Variants in ASTN2 observed in about 807,000 individuals in gnomAD.
The protein encoded by ASTN2 is astrotactin 2.
In ASTN2, 54 loss-of-function variants were observed where a neutral mutation model predicts 139.8. That is an observed-to-expected ratio of 0.39 (90% CI 0.31 to 0.48). ASTN2 has a LOEUF of 0.48. ASTN2 is among the 20% of genes least tolerant of loss of function. The pLI, the probability that ASTN2 is intolerant of heterozygous loss-of-function variation, is 0.95. For missense variants in ASTN2, 1,565 were observed against 1,725.1 expected, an observed-to-expected ratio of 0.91 and a Z score of 1.64; for synonymous variants, 756 against 719.5, an observed-to-expected ratio of 1.05 and a Z score of -0.81.
chr9:116,673,006 C>T (rs747797003), intron 16 of ASTN2, among the ~76,000 whole-genome samples: 1 of 152,184 alleles, frequency 6.6e-6, no homozygotes, highest in Non-Finnish European at 1.5e-5. Context: ...GAACATAAGG[C>T]TGATTCCCAC....
intron 17 of ASTN2, 78 bp downstream of exon 17, chr9:116,651,450 C>T (rs1275646081): frequency 2.0e-6 from 3 of 1,512,792 alleles, no homozygotes; most frequent in Non-Finnish European, 2.7e-6. Flanking sequence ...GACAATACCC[C>T]TGGACAAAGG....
At chr9:116,837,548 A>G (rs1832043042) in intron 11 of ASTN2, among the ~76,000 whole-genome samples, 1 of 152,152 alleles carries the variant, frequency 6.6e-6, no homozygotes. Context: ...ACTTTTCATC[A>G]TCACCAAGCC....
intron 2 of ASTN2, among the ~76,000 whole-genome samples, chr9:117,252,822 C>G (rs186198318): frequency 1.3e-5 from 2 of 152,294 alleles, no homozygotes; most frequent in East Asian, 3.9e-4. Flanking sequence ...TCTGCAGCCT[C>G]TTACCTTTGC....
At chr9:117,055,712 T>C (rs767641218) in intron 5 of ASTN2, among the ~76,000 whole-genome samples, 1 of 152,158 alleles carries the variant, frequency 6.6e-6, no homozygotes, top group Non-Finnish European at 1.5e-5. Context: ...CGAGCACATG[T>C]CACCTGAAAT....
chr9:116,811,092 T>C (rs1202192734), intron 12 of ASTN2, among the ~76,000 whole-genome samples: 1 of 152,192 alleles, frequency 6.6e-6, no homozygotes, highest in African/African-American at 2.4e-5. Context: ...CTCCTTTGAA[T>C]AGGCTTTTTG....
In ASTN2 at chr9:116,933,979, C is replaced by CTTTTTT. The variant is rs148724828; in HGVS notation, c.1889+41223_1889+41228dup. On this transcript the variant is annotated intron_variant, in intron 10 of 22. Coordinates refer to ENST00000313400, the MANE Select transcript of ASTN2 (RefSeq NM_001365068.1). The stretch of plus-strand genomic sequence containing the variant: ...ACCTCAGTTGTGCGAAGTGTTAGTC[C>CTTTTTT]TTTTTTTTTTTTTTTTTTTTTTTCT... 2.5e-3 allele frequency among the ~76,000 whole-genome samples: 216 copies of CTTTTTT among 86,838 alleles called. 27 individuals carry two copies. Among genetic ancestry groups the CTTTTTT allele is most frequent in the African/African-American group, 5.0e-3 (105 of 21,148 alleles). 57.0% of individuals were successfully genotyped at this position (86,838 alleles called of 152,430 possible). A position where few individuals can be genotyped will look rare whatever the true frequency, so the allele number is the denominator to read the frequency against.
At position 116,698,212 on chromosome 9, in the gene ASTN2, G is replaced by A. The variant is rs1345616881; in HGVS notation, c.2806+27559C>T. 9 of 1,614,040 alleles carry A rather than the reference G, an allele frequency of 5.6e-6. No individual in the cohort carries two copies. The highest frequency in any genetic ancestry group is 1.3e-5 in the African/African-American group (1 of 74,918). ...TTTGGAGAGAAGTTAACTCGTCTGCGGGAACTTATGGGGGAGCTGCAGCGG... is the reference window on the plus strand; with the variant it reads ...TTTGGAGAGAAGTTAACTCGTCTGCAGGAACTTATGGGGGAGCTGCAGCGG... On this transcript the variant is annotated intron_variant, in intron 16 of 22. Transcript: ENST00000313400. This position sits in a 1 kb window ranked among gnomAD's most constrained non-coding sequence, Gnocchi z 4.4.
At chr9:117,197,955 G>C (rs1461536543) in intron 3 of ASTN2, among the ~76,000 whole-genome samples, 1 of 151,792 alleles carries the variant, frequency 6.6e-6, no homozygotes, top group African/African-American at 2.4e-5. Context: ...TTTCTTCTTT[G>C]AAGGTAATGT....
intron 19 of ASTN2, among the ~76,000 whole-genome samples, chr9:116,533,068 T>C (rs907237029): frequency 1.3e-5 from 2 of 152,240 alleles, no homozygotes; most frequent in African/African-American, 4.8e-5. Context: ...CTTGAAGAGT[T>C]CCTTCACATC....
chr9:117,216,714 AT>A (rs549883394), intron 2 of ASTN2, among the ~76,000 whole-genome samples: 3 of 151,864 alleles, frequency 2.0e-5, no homozygotes, highest in Non-Finnish European at 2.9e-5. Context: ...TTTGTCTGGG[AT>A]TTTTTTGTGT....
chr9:116,767,734 C>G (rs1829847834), intron 13 of ASTN2, among the ~76,000 whole-genome samples: 1 of 152,158 alleles, frequency 6.6e-6, no homozygotes, highest in Non-Finnish European at 1.5e-5. Flanking sequence ...GAGCAGGGGT[C>G]CCTGCAGCCA....
chr9:116,489,696 G>A (rs1467253764), intron 19 of ASTN2, among the ~76,000 whole-genome samples: 1 of 152,216 alleles, frequency 6.6e-6, no homozygotes, highest in African/African-American at 2.4e-5. Flanking sequence ...AATCTTGCAA[G>A]ACTTATCTGA....
chr9:117,130,981 C>T (rs552271532), intron 4 of ASTN2, among the ~76,000 whole-genome samples: 2 of 152,298 alleles, frequency 1.3e-5, no homozygotes, highest in Admixed American at 6.5e-5. Flanking sequence ...ATGTATATCT[C>T]AATCATGGGA....
intron 10 of ASTN2, among the ~76,000 whole-genome samples, chr9:116,908,406 TA>T (rs1834222978): frequency 9.2e-6 from 1 of 108,890 alleles, no homozygotes; most frequent in African/African-American, 2.8e-5. Context: ...AGTAATGATT[TA>T]TAAATTCTTA....
intron 17 of ASTN2, among the ~76,000 whole-genome samples, chr9:116,630,644 G>C (rs1856701276): frequency 1.3e-5 from 2 of 151,978 alleles, no homozygotes; most frequent in Non-Finnish European, 2.9e-5. Flanking sequence ...TGTTGGTCTG[G>C]GCAATACTTT....
chr9:116,873,273 G>A (rs531226469), intron 10 of ASTN2, among the ~76,000 whole-genome samples: 1 of 152,320 alleles, frequency 6.6e-6, no homozygotes, highest in East Asian at 1.9e-4. Flanking sequence ...CTGGCACATG[G>A]TGACTGCTTT....
At chr9:116,879,828 TGA>T (rs1833406748) in intron 10 of ASTN2, among the ~76,000 whole-genome samples, 1 of 152,228 alleles carries the variant, frequency 6.6e-6, no homozygotes, top group East Asian at 1.9e-4. Flanking sequence ...ACTCAAGCCC[TGA>T]GAACAGGGAT....
intron 1 of ASTN2, among the ~76,000 whole-genome samples, chr9:117,352,728 A>C (rs997126919): frequency 5.3e-5 from 8 of 152,194 alleles, no homozygotes; most frequent in Non-Finnish European, 1.2e-4. Flanking sequence ...ATTGTTCAAA[A>C]TTTCATCGCT....
At chr9:116,718,397 A>T (rs2132105975) in intron 16 of ASTN2, among the ~76,000 whole-genome samples, 1 of 152,340 alleles carries the variant, frequency 6.6e-6, no homozygotes, top group South Asian at 2.1e-4. Flanking sequence ...TTTGCAAATT[A>T]TCCTCACGGC....
Sources: allele counts gnomAD v4.1 joint callset (sites outside exome capture counted in the v4.1 genomes callset), GRCh38; gene constraint gnomAD v4.1.1; non-coding constraint Gnocchi (gnomAD v3.1); transcripts MANE v1.5; gene names NCBI Gene and HGNC (gene_info 2026-07-23, HGNC 2026-07-21).